The following ATP1B3 variants were observed in gnomAD, a reference collection of about 807,000 sequenced individuals.
ATP1B3 encodes ATPase Na+/K+ transporting subunit beta 3.
In ATP1B3, 10 loss-of-function variants were observed where a neutral mutation model predicts 30.2. That is an observed-to-expected ratio of 0.33 (90% CI 0.20 to 0.56). The LOEUF (loss-of-function observed/expected upper bound fraction) is 0.56. ATP1B3 is among the 20% of genes least tolerant of loss of function. ATP1B3 has a pLI of 0.90. For synonymous variants in ATP1B3, 113 were observed against 117.0 expected, an observed-to-expected ratio of 0.97 and a Z score of 0.22; for missense variants, 238 against 336.7, an observed-to-expected ratio of 0.71 and a Z score of 2.29.
chr3:141,880,454 G>A (rs1037193004), intron 1 of ATP1B3, among the ~76,000 whole-genome samples: 2 of 152,074 alleles, frequency 1.3e-5, no homozygotes, highest in Non-Finnish European at 2.9e-5. Flanking sequence ...TGAATACACA[G>A]GACAAAGAAA....
chr3:141,920,968 T>A (rs977636660), intron 5 of ATP1B3, among the ~76,000 whole-genome samples: 3 of 152,198 alleles, frequency 2.0e-5, no homozygotes, highest in Admixed American at 2.0e-4. Context: ...ATATGCTGCT[T>A]CATAATGAAA....
At chr3:141,886,532 A>G (rs551551048) in intron 1 of ATP1B3, among the ~76,000 whole-genome samples, 2 of 152,342 alleles carry the variant, frequency 1.3e-5, no homozygotes, top group African/African-American at 4.8e-5. Context: ...CAGATAGGGC[A>G]TCATAATAAA....
chr3:141,881,313 G>A (rs1206177631), intron 1 of ATP1B3, among the ~76,000 whole-genome samples: 1 of 152,074 alleles, frequency 6.6e-6, no homozygotes, highest in Admixed American at 6.5e-5. Context: ...AAGGTGGTCT[G>A]TCAGTAAATG....
At chr3:141,883,286 GA>G (rs1559864298) in intron 1 of ATP1B3, among the ~76,000 whole-genome samples, 1 of 152,194 alleles carries the variant, frequency 6.6e-6, no homozygotes. Context: ...CCAGGAGTTA[GA>G]AATCAGCCTG....
At chr3:141,908,398 A>T (rs117411917) in intron 3 of ATP1B3, among the ~76,000 whole-genome samples, 10 of 152,202 alleles carry the variant, frequency 6.6e-5, no homozygotes, top group South Asian at 2.1e-4. Context: ...GACACCTGCA[A>T]CTGCTCCCTA....
At chr3:141,915,373 A>G (rs1934442322) in intron 4 of ATP1B3, among the ~76,000 whole-genome samples, 1 of 152,172 alleles carries the variant, frequency 6.6e-6, no homozygotes, top group African/African-American at 2.4e-5. Context: ...TCACGTGGAA[A>G]CTGTGTATAA....
intron 2 of ATP1B3, among the ~76,000 whole-genome samples, chr3:141,905,150 A>G (rs191390211): frequency 7.7e-4 from 117 of 152,310 alleles, no homozygotes; most frequent in African/African-American, 2.7e-3. Flanking sequence ...ACTAACTGCT[A>G]TAGATGACAG....
At chr3:141,907,079 T>A (rs772263453) in intron 2 of ATP1B3, 88 bp from the exon 3 acceptor site, 82 of 919,666 alleles carry the variant, frequency 8.9e-5, no homozygotes, top group Non-Finnish European at 1.3e-4. Context: ...ATTTTCCATG[T>A]AATTTGCTGA....
intron 3 of ATP1B3, among the ~76,000 whole-genome samples, chr3:141,907,816 T>C (rs545093097): frequency 1.1e-3 from 165 of 152,304 alleles, no homozygotes; most frequent in African/African-American, 3.8e-3. Context: ...GGGTAGTAGA[T>C]TTGATTTTTC....
At chr3:141,913,470 T>C (rs1412805464) in intron 3 of ATP1B3, among the ~76,000 whole-genome samples, 182 bp from the exon 4 acceptor site, 3 of 152,240 alleles carry the variant, frequency 2.0e-5, no homozygotes, top group Non-Finnish European at 4.4e-5. Context: ...GCAGTAACTT[T>C]AGAGAACTAG....
intron 6 of ATP1B3, among the ~76,000 whole-genome samples, chr3:141,924,830 G>A (rs147102514): frequency 6.6e-6 from 1 of 152,156 alleles, no homozygotes; most frequent in Non-Finnish European, 1.5e-5. Flanking sequence ...GCGGGTGCCT[G>A]TAATCCCACC....
At chr3:141,922,505 T>C (rs1267552705) in intron 6 of ATP1B3, among the ~76,000 whole-genome samples, 1 of 151,522 alleles carries the variant, frequency 6.6e-6, no homozygotes, top group East Asian at 1.9e-4. Flanking sequence ...ATACAAAAAT[T>C]AGCTGGGCGT....
At chr3:141,902,521 T>G (rs1371511424) in intron 1 of ATP1B3, among the ~76,000 whole-genome samples, 1 of 152,250 alleles carries the variant, frequency 6.6e-6, no homozygotes, top group Non-Finnish European at 1.5e-5. Flanking sequence ...TACCAATGTA[T>G]TCTAATATAC....
chr3:141,888,357 A>G (rs1933875869), intron 1 of ATP1B3, among the ~76,000 whole-genome samples: 2 of 152,262 alleles, frequency 1.3e-5, no homozygotes, highest in South Asian at 2.1e-4. Flanking sequence ...ATTTTTATAT[A>G]TGTATATAAA....
chr3:141,899,394 G>T (rs112757229), intron 1 of ATP1B3, among the ~76,000 whole-genome samples: 7 of 152,296 alleles, frequency 4.6e-5, no homozygotes, highest in African/African-American at 1.2e-4. Flanking sequence ...CTAGTCATCA[G>T]TATTTTCTGA....
At position 141,903,767 on chromosome 3, in the gene ATP1B3, T is replaced by G. The variant is rs1386176960; in HGVS notation, c.238+19T>G. 1.1e-5 allele frequency: 18 copies of G among 1,603,196 alleles called. No homozygotes were observed. The highest frequency in any genetic ancestry group is 1.5e-5 in the Non-Finnish European group (18 of 1,176,606). On this transcript the variant is annotated intron_variant, in intron 2 of 6. Coordinates refer to ENST00000286371, the MANE Select transcript of ATP1B3 (RefSeq NM_001679.4). Reference sequence around the variant, plus strand: ...AGCCCAGGTAATTATCTTGCAGTTATGACTTTGTTTTTTGTTTTTTGTTTT... The same window carrying G: ...AGCCCAGGTAATTATCTTGCAGTTAGGACTTTGTTTTTTGTTTTTTGTTTT...
intron 3 of ATP1B3, among the ~76,000 whole-genome samples, chr3:141,908,526 A>C (rs145494882): frequency 1.3e-5 from 2 of 152,144 alleles, no homozygotes; most frequent in African/African-American, 2.4e-5. Context: ...CTCAGTCTTC[A>C]TGTCACACCC....
chr3:141,885,359 C>T (rs911896270), intron 1 of ATP1B3, among the ~76,000 whole-genome samples: 6 of 152,182 alleles, frequency 3.9e-5, no homozygotes, highest in African/African-American at 1.4e-4. Flanking sequence ...CCTAGCCACC[C>T]GTACCAAATT....
At chr3:141,921,696 G>T in intron 5 of ATP1B3, 1 of 200,186 alleles carries the variant, frequency 5.0e-6, no homozygotes, top group Non-Finnish European at 9.9e-6. Context: ...AGATTTTACA[G>T]GAGTACATGA....
Sources: allele counts gnomAD v4.1 joint callset (sites outside exome capture counted in the v4.1 genomes callset), GRCh38; gene constraint gnomAD v4.1.1; transcripts MANE v1.5; gene names NCBI Gene and HGNC (gene_info 2026-07-23, HGNC 2026-07-21).